Variants in PDE10A observed in about 807,000 individuals in gnomAD.
PDE10A encodes the protein phosphodiesterase 10A, also known as cAMP and cAMP-inhibited cGMP 3',5'-cyclic phosphodiesterase 10A.
In PDE10A, 39 loss-of-function variants were observed where a neutral mutation model predicts 97.7. That is an observed-to-expected ratio of 0.40 (90% CI 0.31 to 0.52). The LOEUF (loss-of-function observed/expected upper bound fraction) is 0.52, where lower values mean the gene tolerates loss of function less well. PDE10A is among the 20% of genes least tolerant of loss of function. The pLI is 0.56. For synonymous variants in PDE10A, 371 were observed against 376.8 expected (o/e 0.98, Z 0.18); for missense variants, 731 against 1,047.8 (o/e 0.70, Z 4.17).
Position 165,413,698 on chromosome 6 carries a change from A to G in PDE10A, c.1890-11T>C. On this transcript the variant is annotated splice_polypyrimidine_tract_variant and intron_variant, in intron 12 of 21. Coordinates refer to ENST00000539869, the MANE Select transcript of PDE10A (RefSeq NM_001385079.1). ...TACAAGTCTACTTCTCTGTGGGGTGACAGAACCAAAAATAACAACAACAAC... is the reference window on the plus strand; with the variant it reads ...TACAAGTCTACTTCTCTGTGGGGTGGCAGAACCAAAAATAACAACAACAAC... 1 of 1,601,086 alleles carries G rather than the reference A, an allele frequency of 6.2e-7. No individual in the cohort carries two copies. Among genetic ancestry groups the G allele is most frequent in the Non-Finnish European group, 8.5e-7 (1 of 1,171,764 alleles).
chr6:165,909,836 C>G (rs758487465), intron 1 of PDE10A, among the ~76,000 whole-genome samples: 1 of 152,082 alleles, frequency 6.6e-6, no homozygotes, highest in Non-Finnish European at 1.5e-5. Flanking sequence ...TCGCTTCTCT[C>G]CTACCACCCC....
intron 3 of PDE10A, among the ~76,000 whole-genome samples, chr6:165,474,398 A>C (rs1779179105): frequency 6.6e-6 from 1 of 152,246 alleles, no homozygotes; most frequent in Admixed American, 6.5e-5. Context: ...TCCTGTGTGA[A>C]ATCACCAAAA....
At chr6:165,651,466 A>G (rs1038126091) in intron 1 of PDE10A, among the ~76,000 whole-genome samples, 2 of 152,194 alleles carry the variant, frequency 1.3e-5, no homozygotes, top group Non-Finnish European at 2.9e-5. Context: ...ACAATTCAAG[A>G]ACTACAGGGA....
At chr6:165,815,265 T>A (rs1779379444) in intron 1 of PDE10A, among the ~76,000 whole-genome samples, 1 of 152,198 alleles carries the variant, frequency 6.6e-6, no homozygotes, top group Admixed American at 6.5e-5. Context: ...ACTGTCCCAC[T>A]ACAATGTGCA....
At chr6:165,598,960 A>G (rs1385777243) in intron 1 of PDE10A, among the ~76,000 whole-genome samples, 1 of 151,870 alleles carries the variant, frequency 6.6e-6, no homozygotes, top group Non-Finnish European at 1.5e-5. Flanking sequence ...TCTCTTTTCT[A>G]CCCTACGCAG....
At chr6:165,498,240 A>T (rs1412522861) in intron 2 of PDE10A, among the ~76,000 whole-genome samples, 1 of 151,350 alleles carries the variant, frequency 6.6e-6, no homozygotes, top group African/African-American at 2.4e-5. Flanking sequence ...ATGAGACCCC[A>T]TGTCTACAAA....
upstream of PDE10A, among the ~76,000 whole-genome samples, chr6:165,664,149 A>G (rs1790434531): frequency 6.6e-6 from 1 of 152,084 alleles, no homozygotes. Context: ...GCTTTCACGA[A>G]GGGCAAAACG....
rs547827126 is a variant in PDE10A, at chr6:165,381,631, ATTT to A, written c.2611-2268_2611-2266del. Reference sequence around the variant, plus strand: ...AGGGACGCACCACCACACCTGGCTAATTTTTTTTTTTTTTTTTTTTTTTGTATT... The same window carrying A: ...AGGGACGCACCACCACACCTGGCTAATTTTTTTTTTTTTTTTTTTTGTATT... On this transcript the variant is annotated intron_variant, in intron 17 of 21. Coordinates refer to ENST00000539869, the MANE Select transcript of PDE10A (RefSeq NM_001385079.1). 3.8e-3 allele frequency among the ~76,000 whole-genome samples: 449 copies of A among 118,630 alleles called. 1 individual carries two copies. Among genetic ancestry groups the A allele is most frequent in the African/African-American group, 7.2e-3 (214 of 29,924 alleles). 77.8% of individuals were successfully genotyped at this position (118,630 alleles called of 152,430 possible).
At chr6:165,923,526 C>G (rs1456681871) in intron 1 of PDE10A, among the ~76,000 whole-genome samples, 1 of 152,228 alleles carries the variant, frequency 6.6e-6, no homozygotes, top group Non-Finnish European at 1.5e-5. Flanking sequence ...GCAGTGCCCC[C>G]TCCTTAGTTC....
chr6:165,543,646 T>C (rs1480735020), intron 1 of PDE10A, 78 bp from the exon 2 acceptor site: 4 of 1,158,934 alleles, frequency 3.5e-6, no homozygotes, highest in African/African-American at 3.1e-5. Context: ...TCACAACACA[T>C]TATGCTAAGA....
chr6:165,529,770 G>A (rs1397867925), intron 2 of PDE10A, among the ~76,000 whole-genome samples: 3 of 152,154 alleles, frequency 2.0e-5, no homozygotes, highest in East Asian at 3.9e-4. Flanking sequence ...TTGTACGAAG[G>A]ATAGCTGTAT....
chr6:165,378,881 G>T (rs1204375550), intron 18 of PDE10A, among the ~76,000 whole-genome samples: 1 of 152,144 alleles, frequency 6.6e-6, no homozygotes, highest in Non-Finnish European at 1.5e-5. Context: ...GACCCTGAAT[G>T]CTGATCAATG....
intron 1 of PDE10A, among the ~76,000 whole-genome samples, chr6:165,794,141 T>C (rs1394179257): frequency 6.7e-6 from 1 of 148,476 alleles, no homozygotes; most frequent in Non-Finnish European, 1.5e-5. Context: ...ACGCTCACAC[T>C]CACTCACACA....
At chr6:165,823,482 TTATA>T (rs748139541) in intron 1 of PDE10A, among the ~76,000 whole-genome samples, 2,183 of 37,288 alleles carry the variant, frequency 0.059, 59 homozygotes, top group East Asian at 0.075. Context: ...ATAGTTAACT[TTATA>T]TATATATATA....
Position 165,812,272 on chromosome 6 carries a change from T to A in PDE10A, c.-615+175257A>T, listed in dbSNP as rs564003076. ...CTCAGATATTGTATTACATCTGCAG[T>A]AGGCACCAAATGAGTATTTTTAAAA... On this transcript the variant is annotated intron_variant, in intron 1 of 19. Coordinates refer to the PDE10A transcript ENST00000366882. Among the ~76,000 whole-genome samples the A allele has an allele frequency of 2.6e-5, 4 of 152,368 alleles. No individual in the cohort carries two copies. The South Asian group carries it at 8.3e-4, about 32-fold the overall frequency.
rs140135628 is a variant in PDE10A, at chr6:165,395,206, C to T, written c.2278G>A (p.Val760Ile). 5.3e-4 allele frequency: 853 copies of T among 1,613,152 alleles called. No individual in the cohort carries two copies. The highest frequency in any genetic ancestry group is 7.0e-4 in the Non-Finnish European group (822 of 1,179,368). Residue 760 changes from valine to isoleucine, a missense_variant, in exon 15 of 22, where the codon GTT (valine) becomes ATT (isoleucine). Val to Ile is a conservative substitution (Grantham distance 29). Coordinates refer to ENST00000539869, the MANE Select transcript of PDE10A (RefSeq NM_001385079.1). ...CAGGATGTCCCACAGGACCGATGAA[C>T]CATGTAGACAAAAATTCCAGGCCAC... is the stretch of plus-strand genomic sequence containing the variant. The part of the protein sequence containing the change: ...NMWPGIFVYM[V>I]HRSCGTSCFE...
Position 165,816,522 on chromosome 6 carries a change from C to T in PDE10A, c.-615+171007G>A, listed in dbSNP as rs923157343. ...GCTTGGGTTTGAAAGCCATCACCTC[C>T]CCTTACAGCCAATAAGAACGGGGGC... is the stretch of plus-strand genomic sequence containing the variant. On this transcript the variant is annotated intron_variant, in intron 1 of 19. Coordinates refer to the PDE10A transcript ENST00000366882. 2.0e-5 allele frequency among the ~76,000 whole-genome samples: 3 copies of T among 152,202 alleles called. 1 individual carries two copies. Among genetic ancestry groups the T allele is most frequent in the African/African-American group, 7.2e-5 (3 of 41,450 alleles).
At position 165,642,333 on chromosome 6, in the gene PDE10A, C is replaced by T. The variant is rs111289463; in HGVS notation, c.865+19614G>A. 3.5e-3 allele frequency among the ~76,000 whole-genome samples: 531 copies of T among 152,294 alleles called. 3 individuals are homozygous for T. The highest frequency in any genetic ancestry group is 0.012 in the African/African-American group (492 of 41,554). On this transcript the variant is annotated intron_variant, in intron 1 of 21. Coordinates refer to ENST00000539869, the MANE Select transcript of PDE10A (RefSeq NM_001385079.1). ...CGTTTGTTCAGGTCGGCCTTGGCCACGAGGCACAGGCTCCCTGAGGTCATG... is the reference window on the plus strand; with the variant it reads ...CGTTTGTTCAGGTCGGCCTTGGCCATGAGGCACAGGCTCCCTGAGGTCATG...
At chr6:165,571,638 C>T (rs1355442579) in intron 1 of PDE10A, among the ~76,000 whole-genome samples, 2 of 152,214 alleles carry the variant, frequency 1.3e-5, no homozygotes. Context: ...GGAAGCATTA[C>T]ACTTCACCTC....
Sources: gnomAD v4.1 joint callset for allele counts (sites outside exome capture counted in the v4.1 genomes callset) on GRCh38, gnomAD v4.1.1 for gene constraint, MANE v1.5 for transcripts, NCBI Gene and HGNC (gene_info 2026-07-23, HGNC 2026-07-21) for gene names.